AK8: variants seen among roughly 807,000 people sequenced by gnomAD.
AK8 encodes the protein ATP-AMP transphosphorylase 8.
A neutral mutation model predicts 54.6 loss-of-function variants in AK8; 44 were observed. That is an observed-to-expected ratio of 0.81 (90% CI 0.63 to 1.04). The LOEUF (loss-of-function observed/expected upper bound fraction) is 1.04. Ranked by LOEUF, AK8 falls within the 50% of genes least tolerant of loss-of-function variation. The pLI, the probability that AK8 is intolerant of heterozygous loss-of-function variation, is 0.00. For synonymous variants in AK8, 239 were observed against 245.6 expected, an observed-to-expected ratio of 0.97 and a Z score of 0.25; for missense variants, 555 against 613.6, an observed-to-expected ratio of 0.90 and a Z score of 1.01.
intron 11 of AK8, among the ~76,000 whole-genome samples, chr9:132,777,953 A>G (rs1241122889): frequency 6.6e-6 from 1 of 152,180 alleles, no homozygotes; most frequent in African/African-American, 2.4e-5. Context: ...TTGAGGCAAA[A>G]ACCTCAATCC....
At chr9:132,807,220 G>A (rs1840766848) in intron 10 of AK8, among the ~76,000 whole-genome samples, 1 of 152,226 alleles carries the variant, frequency 6.6e-6, no homozygotes, top group African/African-American at 2.4e-5. Flanking sequence ...GCAGCTGCCA[G>A]TTAGGAGCTC....
chr9:132,800,979 C>T (rs1840426047), intron 10 of AK8, among the ~76,000 whole-genome samples: 1 of 143,850 alleles, frequency 7.0e-6, no homozygotes, highest in Admixed American at 7.5e-5. Flanking sequence ...GGCTGGAGTG[C>T]AGTGGCGCGA....
At chr9:132,829,395 A>G (rs1267235326) in intron 5 of AK8, among the ~76,000 whole-genome samples, 1 of 152,180 alleles carries the variant, frequency 6.6e-6, no homozygotes, top group Non-Finnish European at 1.5e-5. Context: ...AACTATGTCC[A>G]CAAATGAACA....
intron 8 of AK8, among the ~76,000 whole-genome samples, chr9:132,823,829 C>T (rs1202312416): frequency 4.6e-5 from 7 of 152,238 alleles, no homozygotes; most frequent in Non-Finnish European, 8.8e-5. Flanking sequence ...TTGATAAACG[C>T]ATCCAGCCAC....
rs2131302579 is a variant in AK8 at position 132,826,765 on chromosome 9, C to T, written c.757+89G>A. 6.9e-7 allele frequency: 1 copy of T among 1,441,638 alleles called. No individual in the cohort carries two copies. Among genetic ancestry groups the T allele is most frequent in the Non-Finnish European group, 9.7e-7 (1 of 1,035,990 alleles). 89.3% of individuals were successfully genotyped at this position (1,441,638 alleles called of 1,614,324 possible). A position where few individuals can be genotyped will look rare whatever the true frequency, so the allele number is the denominator to read the frequency against. On this transcript the variant is annotated intron_variant, in intron 8 of 12. Transcript: ENST00000298545. The surrounding 1 kb of genome is among the most constrained non-coding windows in gnomAD (Gnocchi z 4.5). ...CCAGGCATGTCCCAGACACTGGCCA[C>T]TACCAGAATAAGGGACAAAGTGGTA...
intron 11 of AK8, among the ~76,000 whole-genome samples, chr9:132,730,950 T>C (rs1317470122): frequency 6.6e-6 from 1 of 152,220 alleles, no homozygotes; most frequent in Admixed American, 6.5e-5. Context: ...CTCCTTGGCT[T>C]GTAGACGCCT....
chr9:132,740,751 C>T (rs914698929), intron 11 of AK8, among the ~76,000 whole-genome samples: 6 of 152,102 alleles, frequency 3.9e-5, no homozygotes, highest in Non-Finnish European at 5.9e-5. Flanking sequence ...CTCACCTGCA[C>T]GGTGGGCCCA....
In AK8 at chr9:132,770,205, G is replaced by C. The variant is rs369647333; in HGVS notation, c.1121+22429C>G. 7 of 152,318 alleles carry C rather than the reference G, an allele frequency of 4.6e-5. No individual in the cohort carries two copies. Among genetic ancestry groups the C allele is most frequent in the African/African-American group, 1.7e-4 (7 of 41,476 alleles). 9.4% of individuals were successfully genotyped at this position (152,318 alleles called of 1,614,324 possible). A position where few individuals can be genotyped will look rare whatever the true frequency, so the allele number is the denominator to read the frequency against. On this transcript the variant is annotated intron_variant, in intron 11 of 12. Transcript: ENST00000298545. This position sits in a 1 kb window ranked among gnomAD's most constrained non-coding sequence, Gnocchi z 4.3. ...GGTCACACTCGTGCCCCTTGCCTGG[G>C]TCCTGGGATGCAGACAACGTGGCAT...
chr9:132,747,402 C>T (rs1837703859), intron 11 of AK8, among the ~76,000 whole-genome samples: 2 of 151,734 alleles, frequency 1.3e-5, no homozygotes, highest in Admixed American at 6.6e-5. Flanking sequence ...ATCTCCCCAC[C>T]TTGGCCTCCC....
chr9:132,730,120 C>A (rs1195967244), intron 11 of AK8, among the ~76,000 whole-genome samples: 1 of 152,212 alleles, frequency 6.6e-6, no homozygotes, highest in Non-Finnish European at 1.5e-5. Flanking sequence ...GGGTGCCAAG[C>A]TGACAACACG....
Position 132,878,241 on chromosome 9 carries a change from G to A in AK8, c.15C>T (p.Ile5=), listed in dbSNP as rs780662458. MDAT[I]APHRIPPEMP... Reference sequence around the variant, plus strand: ...TCTCGGGGGGGATACGGTGCGGGGCGATAGTGGCGTCCATGTAGCCGTCTC... The same window carrying A: ...TCTCGGGGGGGATACGGTGCGGGGCAATAGTGGCGTCCATGTAGCCGTCTC... Residue 5 remains isoleucine, a synonymous_variant, in exon 1 of 13, where the codon ATC becomes ATT. Transcript: ENST00000298545. This position sits in a 1 kb window ranked among gnomAD's most constrained non-coding sequence, Gnocchi z 4.7. The A allele has an allele frequency of 1.1e-5, 15 of 1,409,082 alleles. No homozygotes were observed. The highest frequency in any genetic ancestry group is 5.3e-5 in the East Asian group (2 of 37,504). The allele number at this position is 1,409,082 out of a possible 1,614,324, so 87.3% of individuals were successfully genotyped here.
intron 5 of AK8, among the ~76,000 whole-genome samples, chr9:132,846,815 T>G (rs1842771518): frequency 6.6e-6 from 1 of 152,246 alleles, no homozygotes; most frequent in Non-Finnish European, 1.5e-5. Context: ...TGGCCAGCCC[T>G]GCCGCTTCCC....
At chr9:132,851,215 C>A (rs909849744) in intron 5 of AK8, among the ~76,000 whole-genome samples, 7 of 152,210 alleles carry the variant, frequency 4.6e-5, no homozygotes, top group Non-Finnish European at 1.0e-4. Context: ...TCTCACACTC[C>A]TGCCTCCAGG....
intron 5 of AK8, among the ~76,000 whole-genome samples, chr9:132,831,265 A>T (rs1842090232): frequency 6.6e-6 from 1 of 152,124 alleles, no homozygotes; most frequent in Non-Finnish European, 1.5e-5. Context: ...TAGAAATTCC[A>T]CTGGGATTCT....
Position 132,861,897 on chromosome 9 carries a change from C to T in AK8, c.333+1768G>A, listed in dbSNP as rs569769192. Among the ~76,000 whole-genome samples, 12 of 152,312 alleles carry T rather than the reference C, an allele frequency of 7.9e-5. No individual in the cohort carries two copies. In the East Asian group the frequency reaches 2.1e-3, roughly 27 times the overall value. On this transcript the variant is annotated intron_variant, in intron 4 of 12. Transcript: ENST00000298545. ...ACATCCAGGCCTTTCATCTTCCCTC[C>T]ACCAGAGTTTCTGAGCCAAGGACCC...
At chr9:132,753,768 G>C (rs1838058814) in intron 11 of AK8, among the ~76,000 whole-genome samples, 2 of 152,230 alleles carry the variant, frequency 1.3e-5, no homozygotes, top group Non-Finnish European at 2.9e-5. Context: ...GGAGACAAGT[G>C]CTCTCACGCC....
chr9:132,769,791 T>A (rs978562688), intron 11 of AK8: 1 of 152,186 alleles, frequency 6.6e-6, no homozygotes, highest in African/African-American at 2.4e-5. Flanking sequence ...TCGTCCTCTC[T>A]GGTCATTAGT....
At chr9:132,849,371 C>G (rs1043400833) in intron 5 of AK8, among the ~76,000 whole-genome samples, 1 of 152,192 alleles carries the variant, frequency 6.6e-6, no homozygotes, top group Non-Finnish European at 1.5e-5. Flanking sequence ...CACAGCCGTG[C>G]CCTTTTGTGT....
Position 132,797,549 on chromosome 9 carries a change from G to A in AK8, c.980-4774C>T, listed in dbSNP as rs116650278. Among the ~76,000 whole-genome samples, 1,015 of 152,092 alleles carry A rather than the reference G, an allele frequency of 6.7e-3. 3 individuals carry two copies. The highest frequency in any genetic ancestry group is 0.019 in the African/African-American group (791 of 41,474). ...AAAAGAATGAGCACTAGCACCTGGG[G>A]TTTGTTGGGAGGGGTCTCTGGGGTA... On this transcript the variant is annotated intron_variant, in intron 10 of 12. Coordinates refer to ENST00000298545, the MANE Select transcript of AK8 (RefSeq NM_152572.3).
Sources: allele counts gnomAD v4.1 joint callset (sites outside exome capture counted in the v4.1 genomes callset), GRCh38; gene constraint gnomAD v4.1.1; non-coding constraint Gnocchi (gnomAD v3.1); transcripts MANE v1.5; gene names NCBI Gene and HGNC (gene_info 2026-07-23, HGNC 2026-07-21).